The following MMS19 variants were observed in gnomAD, a reference collection of about 807,000 sequenced individuals.
MMS19 encodes MMS19 nucleotide excision repair protein homolog.
A neutral mutation model predicts 129.8 loss-of-function variants in MMS19; 77 were observed. The ratio of observed to expected loss-of-function variants is 0.59; its 90% confidence interval spans 0.49 to 0.72. The LOEUF (loss-of-function observed/expected upper bound fraction) is 0.72. Ranked by LOEUF, MMS19 falls within the 30% of genes least tolerant of loss-of-function variation. The pLI is 0.00. For missense variants in MMS19, 1,168 were observed against 1,266.3 expected (o/e 0.92, Z 1.18); for synonymous variants, 491 against 502.8 (o/e 0.98, Z 0.31).
chr10:97,470,208 G>A lies in MMS19; in HGVS notation c.772-5C>T. On this transcript the variant is annotated splice_polypyrimidine_tract_variant and splice_region_variant and intron_variant, in intron 9 of 30. Coordinates refer to ENST00000438925, the MANE Select transcript of MMS19 (RefSeq NM_022362.5). ...AATCAACAGGGGCAGCAGAAACTGT[G>A]GGACAGAAGGAAGATCTTAAGCCTG... 2.5e-6 allele frequency: 4 copies of A among 1,599,740 alleles called. No homozygotes were observed. Among genetic ancestry groups the A allele is most frequent in the Non-Finnish European group, 3.4e-6 (4 of 1,172,196 alleles).
rs773192343 is a variant in MMS19, at chr10:97,477,424, G to A, written c.424-8C>T. On this transcript the variant is annotated splice_polypyrimidine_tract_variant and splice_region_variant and intron_variant, in intron 5 of 30. Transcript: ENST00000438925. ...GTCCACCTGTGGCAGGGACTTGGGGGTGGGGGAGAAAGAAGTGAAGAAAAT... is the reference window on the plus strand; with the variant it reads ...GTCCACCTGTGGCAGGGACTTGGGGATGGGGGAGAAAGAAGTGAAGAAAAT... 1.2e-6 allele frequency: 2 copies of A among 1,613,990 alleles called. No individual in the cohort carries two copies. Among genetic ancestry groups the A allele is most frequent in the Non-Finnish European group, 1.7e-6 (2 of 1,179,886 alleles).
intron 8 of MMS19, among the ~76,000 whole-genome samples, chr10:97,474,593 G>A (rs2035392525): frequency 6.6e-6 from 1 of 152,048 alleles, no homozygotes; most frequent in Non-Finnish European, 1.5e-5. Flanking sequence ...TAAAAACCCT[G>A]ATTTGTAAGA....
Position 97,468,423 on chromosome 10 carries a change from TCA to T in MMS19, c.1064-19_1064-18del. The T allele has an allele frequency of 1.3e-6, 2 of 1,584,502 alleles. No homozygotes were observed. Among genetic ancestry groups the T allele is most frequent in the South Asian group, 1.1e-5 (1 of 88,232 alleles). Reference sequence around the variant, plus strand: ...GCCTGCAGTCTAGAGAAGCAGCACATCACAGAGCTGGGGAGGAGGCCAAATGG... The same window carrying T: ...GCCTGCAGTCTAGAGAAGCAGCACATCAGAGCTGGGGAGGAGGCCAAATGG... On this transcript the variant is annotated intron_variant, in intron 12 of 30. Transcript: ENST00000438925.
chr10:97,498,144 C>A, intron 1 of MMS19, 129 bp downstream of exon 1: 1 of 815,364 alleles, frequency 1.2e-6, no homozygotes, highest in Non-Finnish European at 1.9e-6. Flanking sequence ...CCTCGCGGTG[C>A]TCACTAACCA....
intron 2 of MMS19, 98 bp downstream of exon 2, chr10:97,484,005 A>G: frequency 2.6e-6 from 2 of 763,188 alleles, no homozygotes; most frequent in South Asian, 1.6e-5. Context: ...GGGCTACAAG[A>G]CAAATTCAGG....
At chr10:97,478,929 C>A (rs987825787) in intron 3 of MMS19, among the ~76,000 whole-genome samples, 44 of 151,966 alleles carry the variant, frequency 2.9e-4, no homozygotes, top group African/African-American at 1.0e-3. Flanking sequence ...CACACATATA[C>A]CCCCAAACAG....
Position 97,461,657 on chromosome 10 carries a change from A to T in MMS19, c.2185-35T>A, listed in dbSNP as rs370632735. On this transcript the variant is annotated intron_variant, in intron 22 of 30. Transcript: ENST00000438925. ...ACCTGGCCATGTAATGGACCCAGAG[A>T]ACACTTGAACTCCAAGAGAACCAGT... 2,042 of 1,587,952 alleles carry T rather than the reference A, an allele frequency of 1.3e-3. 3 individuals carry two copies. Among genetic ancestry groups the T allele is most frequent in the Non-Finnish European group, 1.6e-3 (1,897 of 1,167,130 alleles).
chr10:97,461,094 CCT>C (rs2031750862), intron 23 of MMS19, 87 bp from the exon 24 acceptor site: 2 of 1,086,452 alleles, frequency 1.8e-6, no homozygotes, highest in Non-Finnish European at 2.6e-6. Flanking sequence ...TGCAGAGCTC[CCT>C]GAGAAGCTGT....
At chr10:97,470,373 G>A (rs2135326626) in intron 9 of MMS19, among the ~76,000 whole-genome samples, 170 bp from the exon 10 acceptor site, 1 of 152,324 alleles carries the variant, frequency 6.6e-6, no homozygotes, top group African/African-American at 2.4e-5. Flanking sequence ...AGTGACCAGA[G>A]CCCCACTACC....
intron 23 of MMS19, 110 bp from the exon 24 acceptor site, chr10:97,461,117 A>T: frequency 1.1e-6 from 1 of 915,684 alleles, no homozygotes; most frequent in Non-Finnish European, 1.6e-6. Flanking sequence ...TAGAAAGGGA[A>T]AATATCATTT....
chr10:97,476,743 T>C lies in MMS19; in HGVS notation c.624A>G (p.Gly208=). ...HDLISRDYSL[G]PFVEELFEVT... ...CTTCAAACAACTCCTCCACAAAGGG[T>C]CCTGTGGCAACAGAGAAAAAATGAG... The change falls in exon 8 of 31, where the codon GGA becomes GGG. Residue 208 remains glycine, a splice_region_variant and synonymous_variant. Transcript: ENST00000438925. 1 of 1,613,694 alleles carries C rather than the reference T, an allele frequency of 6.2e-7. No individual in the cohort carries two copies. The highest frequency in any genetic ancestry group is 8.5e-7 in the Non-Finnish European group (1 of 1,179,814).
intron 23 of MMS19, 61 bp from the exon 24 acceptor site, chr10:97,461,068 T>G: frequency 7.4e-7 from 1 of 1,344,862 alleles, no homozygotes; most frequent in Non-Finnish European, 1.0e-6. Flanking sequence ...AGCAATGAAA[T>G]GCAAATCACT....
intron 19 of MMS19, 192 bp from the exon 20 acceptor site, chr10:97,462,874 C>T: frequency 1.7e-6 from 1 of 593,960 alleles, no homozygotes; most frequent in South Asian, 2.0e-5. Context: ...GACCTGGGGC[C>T]ACAGAGCGCT....
intron 1 of MMS19, among the ~76,000 whole-genome samples, chr10:97,497,102 A>G (rs1046115582): frequency 6.6e-6 from 1 of 152,218 alleles, no homozygotes; most frequent in Non-Finnish European, 1.5e-5. Flanking sequence ...TGGTGGCAGC[A>G]CCAGGTATTT....
At chr10:97,473,869 A>G (rs2035244529) in intron 8 of MMS19, among the ~76,000 whole-genome samples, 1 of 152,146 alleles carries the variant, frequency 6.6e-6, no homozygotes, top group Non-Finnish European at 1.5e-5. Context: ...TTGGCCAGGC[A>G]TGGTGGCTTA....
At chr10:97,497,935 A>C (rs1258007621) in intron 1 of MMS19, among the ~76,000 whole-genome samples, 1 of 152,034 alleles carries the variant, frequency 6.6e-6, no homozygotes, top group Non-Finnish European at 1.5e-5. Context: ...CCCGGTTCGG[A>C]CCTGAACGCC....
chr10:97,476,873 C>A lies in MMS19; in HGVS notation c.584G>T (p.Arg195Leu), dbSNP rs1199706710. ...KDPRNLLVAF[R>L]IVHDLISRDY... Reference sequence around the variant, plus strand: ...CCTGGAGATGAGGTCATGGACGATGCGGAAGGCCACCAGAAGATTACGGGG... The same window carrying A: ...CCTGGAGATGAGGTCATGGACGATGAGGAAGGCCACCAGAAGATTACGGGG... Residue 195 changes from arginine (R) to leucine (L), a missense_variant, in exon 7 of 31, where the codon CGC becomes CTC. Physicochemically the swap from Arg to Leu is moderately radical, Grantham distance 102. Transcript: ENST00000438925. 5 of 1,613,954 alleles carry A rather than the reference C, an allele frequency of 3.1e-6. No individual in the cohort carries two copies. The South Asian group carries it at 4.4e-5, about 14-fold the overall frequency.
chr10:97,478,768 C>T (rs1364937008), intron 3 of MMS19, among the ~76,000 whole-genome samples: 4 of 151,930 alleles, frequency 2.6e-5, no homozygotes, highest in African/African-American at 9.7e-5. Context: ...GCATAGACAA[C>T]AGGGAAATAA....
chr10:97,463,089 T>C (rs29001321), intron 19 of MMS19: 6 of 185,704 alleles, frequency 3.2e-5, no homozygotes, highest in African/African-American at 1.2e-4. Context: ...GCAACTATCA[T>C]ACACTGAGTA....
Sources: allele counts gnomAD v4.1 joint callset (sites outside exome capture counted in the v4.1 genomes callset), GRCh38; gene constraint gnomAD v4.1.1; transcripts MANE v1.5; gene names NCBI Gene and HGNC (gene_info 2026-07-23, HGNC 2026-07-21).